SPAG16: variants seen among roughly 807,000 people sequenced by gnomAD.
SPAG16 encodes sperm-associated antigen 16 protein.
Under a neutral mutation model 80.4 loss-of-function variants are expected in SPAG16, and 86 were observed. The observed-to-expected ratio is 1.07, with a 90% CI of 0.90 to 1.28. SPAG16 has a LOEUF of 1.28. Among genes scored for constraint, SPAG16 ranks in the 50% most tolerant of loss-of-function variants. The pLI, the probability that SPAG16 is intolerant of heterozygous loss-of-function variation, is 0.00. For synonymous variants in SPAG16, 294 were observed against 265.9 expected, an observed-to-expected ratio of 1.11 and a Z score of -1.03; for missense variants, 870 against 765.3, an observed-to-expected ratio of 1.14 and a Z score of -1.61.
chr2:214,281,945 A>G (rs866745293), intron 15 of SPAG16, among the ~76,000 whole-genome samples: 6 of 152,194 alleles, frequency 3.9e-5, no homozygotes, highest in Non-Finnish European at 7.3e-5. Flanking sequence ...ATAGAACTCA[A>G]AAAAATGCAA....
intron 10 of SPAG16, among the ~76,000 whole-genome samples, chr2:213,773,834 G>A (rs2069407177): frequency 1.3e-5 from 2 of 152,150 alleles, no homozygotes; most frequent in South Asian, 4.1e-4. Context: ...TTACAGGCAT[G>A]AGCCACCAAG....
At chr2:214,273,074 G>A (rs1451140512) in intron 15 of SPAG16, among the ~76,000 whole-genome samples, 3 of 152,208 alleles carry the variant, frequency 2.0e-5, no homozygotes, top group South Asian at 4.1e-4. Flanking sequence ...GTGTCTTTTG[G>A]CTGCATAAAT....
intron 15 of SPAG16, among the ~76,000 whole-genome samples, chr2:214,392,698 G>A (rs201963577): frequency 1.9e-4 from 27 of 144,760 alleles, no homozygotes; most frequent in African/African-American, 2.3e-4. Context: ...ACCTACAAAG[G>A]AAAAAAAAAA....
chr2:213,848,924 G>A (rs1010119268), intron 10 of SPAG16, among the ~76,000 whole-genome samples: 1 of 151,988 alleles, frequency 6.6e-6, no homozygotes, highest in Admixed American at 6.6e-5. Context: ...TTTTAGTGTA[G>A]AAATTGAGAC....
chr2:213,316,630 C>T lies in SPAG16; in HGVS notation c.399-589C>T, dbSNP rs117473464. 6.6e-4 allele frequency among the ~76,000 whole-genome samples: 100 copies of T among 152,120 alleles called. No individual in the cohort carries two copies. The East Asian group carries it at 0.017, about 26-fold the overall frequency. ...CTTCAGTTCCAGACACTCCAGGTACCCTGGCTGTTTGTTCTTTCTTGTAGT... is the reference window on the plus strand; with the variant it reads ...CTTCAGTTCCAGACACTCCAGGTACTCTGGCTGTTTGTTCTTTCTTGTAGT... On this transcript the variant is annotated intron_variant, in intron 4 of 15. Coordinates refer to ENST00000331683, the MANE Select transcript of SPAG16 (RefSeq NM_024532.5).
chr2:214,221,837 T>A (rs2058579025), intron 15 of SPAG16, among the ~76,000 whole-genome samples: 1 of 152,160 alleles, frequency 6.6e-6, no homozygotes, highest in Non-Finnish European at 1.5e-5. Context: ...TGTTTGGGGT[T>A]GGTTTTGATG....
intron 10 of SPAG16, among the ~76,000 whole-genome samples, chr2:213,535,119 T>A (rs1455375326): frequency 6.6e-6 from 1 of 152,018 alleles, no homozygotes; most frequent in Non-Finnish European, 1.5e-5. Flanking sequence ...ATGGCAAAAA[T>A]CAAAAATGTT....
intron 10 of SPAG16, among the ~76,000 whole-genome samples, chr2:213,576,002 A>G (rs544234803): frequency 6.6e-6 from 1 of 152,234 alleles, no homozygotes; most frequent in African/African-American, 2.4e-5. Flanking sequence ...AAGCAACACA[A>G]GATTGTCCTG....
chr2:213,300,087 A>G (rs1021464006), intron 3 of SPAG16, among the ~76,000 whole-genome samples: 1 of 152,160 alleles, frequency 6.6e-6, no homozygotes, highest in Non-Finnish European at 1.5e-5. Flanking sequence ...TTTTCAAGGT[A>G]CAATCTCAGA....
At chr2:213,501,137 C>A (rs1410445105) in intron 10 of SPAG16, among the ~76,000 whole-genome samples, 1 of 152,178 alleles carries the variant, frequency 6.6e-6, no homozygotes, top group Non-Finnish European at 1.5e-5. Flanking sequence ...CATTCCTGAT[C>A]TCAATAGGGA....
intron 15 of SPAG16, among the ~76,000 whole-genome samples, chr2:214,383,496 G>A (rs1173204346): frequency 6.6e-6 from 1 of 151,678 alleles, no homozygotes; most frequent in Admixed American, 6.6e-5. Context: ...GCTGGAGCTG[G>A]GGAGACAGAG....
chr2:213,309,213 T>C (rs2063079499), intron 3 of SPAG16, among the ~76,000 whole-genome samples: 1 of 152,132 alleles, frequency 6.6e-6, no homozygotes, highest in East Asian at 1.9e-4. Context: ...ATGAGGACTC[T>C]GTGGCAACTA....
chr2:214,302,104 G>C (rs1391958064), intron 15 of SPAG16, among the ~76,000 whole-genome samples: 1 of 151,918 alleles, frequency 6.6e-6, no homozygotes, highest in Non-Finnish European at 1.5e-5. Flanking sequence ...GTTCCTCTTG[G>C]TATTGATTTC....
intron 13 of SPAG16, among the ~76,000 whole-genome samples, chr2:214,017,676 A>G (rs1311264010): frequency 1.3e-5 from 2 of 152,192 alleles, no homozygotes; most frequent in Non-Finnish European, 2.9e-5. Flanking sequence ...TCCCTGAAGT[A>G]TCAGGAGAAA....
intron 15 of SPAG16, among the ~76,000 whole-genome samples, chr2:214,335,827 C>T (rs543233925): frequency 1.3e-4 from 18 of 141,222 alleles, no homozygotes; most frequent in Non-Finnish European, 2.1e-4. Flanking sequence ...GGCACAATCT[C>T]GGCTCACTGC....
chr2:214,349,852 C>T (rs976588470), intron 15 of SPAG16, among the ~76,000 whole-genome samples: 5 of 152,092 alleles, frequency 3.3e-5, no homozygotes, highest in African/African-American at 9.7e-5. Context: ...TTTTCATGTG[C>T]TCGTTGAGCA....
At chr2:213,833,473 A>AT (rs1431535446) in intron 10 of SPAG16, among the ~76,000 whole-genome samples, 1,015 of 6,736 alleles carry the variant, frequency 0.15, 322 homozygotes, top group South Asian at 0.31. Context: ...TATTATATAT[A>AT]ATAATATATA....
At chr2:213,412,151 T>A (rs2069008426) in intron 9 of SPAG16, among the ~76,000 whole-genome samples, 1 of 152,130 alleles carries the variant, frequency 6.6e-6, no homozygotes, top group African/African-American at 2.4e-5. Context: ...CCTAACACAT[T>A]CTGATCACCT....
At chr2:214,326,797 T>C (rs1402595126) in intron 15 of SPAG16, among the ~76,000 whole-genome samples, 1 of 151,652 alleles carries the variant, frequency 6.6e-6, no homozygotes, top group Non-Finnish European at 1.5e-5. Flanking sequence ...TACAAAAAAT[T>C]ACCCGGGCGT....
Sources: allele counts gnomAD v4.1 joint callset (sites outside exome capture counted in the v4.1 genomes callset), GRCh38; gene constraint gnomAD v4.1.1; transcripts MANE v1.5; gene names NCBI Gene and HGNC (gene_info 2026-07-23, HGNC 2026-07-21).